The following SLC4A7 variants were observed in gnomAD, a reference collection of about 807,000 sequenced individuals.
SLC4A7 encodes sodium bicarbonate cotransporter 3.
A neutral mutation model predicts 137.6 loss-of-function variants in SLC4A7; 51 were observed. That is an observed-to-expected ratio of 0.37 (90% confidence interval 0.30 to 0.47). The LOEUF (loss-of-function observed/expected upper bound fraction) is 0.47, where lower values mean the gene tolerates loss of function less well. SLC4A7 is among the 20% of genes least tolerant of loss of function. SLC4A7 has a pLI of 1.00. For synonymous variants in SLC4A7, 542 were observed against 518.6 expected (o/e 1.05, Z -0.61); for missense variants, 1,247 against 1,525.4 (o/e 0.82, Z 3.04).
chr3:27,465,960 AAAAAAAG>A (rs893061202), intron 1 of SLC4A7, among the ~76,000 whole-genome samples: 9 of 136,614 alleles, frequency 6.6e-5, no homozygotes, highest in Middle Eastern at 3.8e-3. Context: ...TCTCAAAAAA[AAAAAAAG>A]AAAGAAAGAA....
chr3:27,406,739 G>A (rs1013399591), intron 13 of SLC4A7, among the ~76,000 whole-genome samples: 7 of 152,048 alleles, frequency 4.6e-5, no homozygotes, highest in Non-Finnish European at 1.0e-4. Context: ...AGAACAACCT[G>A]GGCAACATGG....
At position 27,471,101 on chromosome 3, in the gene SLC4A7, A is replaced by G. The variant is rs561105327; in HGVS notation, c.60+12966T>C. On this transcript the variant is annotated intron_variant, in intron 1 of 25. Transcript: ENST00000454389. ...TTACATGTCATGTATGTATGCATGT[A>G]TAAAATAAAAAGTTTCACAAAACAA... 6.1e-3 allele frequency among the ~76,000 whole-genome samples: 937 copies of G among 152,366 alleles called. 5 individuals are homozygous for G. The highest frequency in any genetic ancestry group is 0.037 in the Middle Eastern group (11 of 294).
intron 7 of SLC4A7, among the ~76,000 whole-genome samples, chr3:27,426,222 T>C (rs1399229404): frequency 6.6e-6 from 1 of 152,236 alleles, no homozygotes; most frequent in Non-Finnish European, 1.5e-5. Context: ...TTTAGCCATG[T>C]GCTCACTTTC....
intron 1 of SLC4A7, among the ~76,000 whole-genome samples, chr3:27,469,609 C>T (rs1356825077): frequency 1.3e-5 from 2 of 152,022 alleles, no homozygotes; most frequent in African/African-American, 4.8e-5. Context: ...TACAATTAGC[C>T]GGGCGTGGTG....
chr3:27,415,987 G>T (rs1461213557), intron 11 of SLC4A7, among the ~76,000 whole-genome samples: 1 of 152,098 alleles, frequency 6.6e-6, no homozygotes, highest in Non-Finnish European at 1.5e-5. Context: ...TTCATTCTAT[G>T]GTACATACCA....
At chr3:27,448,136 C>G (rs2057799874) in intron 3 of SLC4A7, among the ~76,000 whole-genome samples, 1 of 149,618 alleles carries the variant, frequency 6.7e-6, no homozygotes, top group Non-Finnish European at 1.5e-5. Context: ...CGCTTGAACC[C>G]TGGAGGCAGA....
chr3:27,400,560 G>A (rs1010160745), intron 16 of SLC4A7, among the ~76,000 whole-genome samples: 4 of 152,030 alleles, frequency 2.6e-5, no homozygotes, highest in Admixed American at 6.6e-5. Context: ...TTTATCTCTC[G>A]TGCCAGTTTC....
rs763407279 is a variant in SLC4A7, at chr3:27,394,591, C to T, written c.3044G>A (p.Arg1015His). 28 of 1,613,988 alleles carry T rather than the reference C, an allele frequency of 1.7e-5. No homozygotes were observed. The highest frequency in any genetic ancestry group is 9.9e-5 in the South Asian group (9 of 91,090). The change falls in exon 20 of 26, where the codon CGT becomes CAT. Residue 1015 changes from arginine (R) to histidine (H), a missense_variant. Transcript: ENST00000454389. ...PGEQPKFLGIREQRVTGLMIF... is the reference protein window; with the variant it reads ...PGEQPKFLGIHEQRVTGLMIF... Reference sequence around the variant, plus strand: ...CATTAGCCCTGTAACCCGCTGTTCACGAATTCCCAAAAACTTGGGTTGTTC... The same window carrying T: ...CATTAGCCCTGTAACCCGCTGTTCATGAATTCCCAAAAACTTGGGTTGTTC...
rs1327976565 is a variant in SLC4A7, at chr3:27,374,051, A to G, written c.*2713T>C. The G allele has an allele frequency of 1.3e-5, 2 of 152,578 alleles. No individual in the cohort carries two copies. Among genetic ancestry groups the G allele is most frequent in the African/African-American group, 4.8e-5 (2 of 41,466 alleles). 9.5% of individuals were successfully genotyped at this position (152,578 alleles called of 1,614,324 possible). ...GAATATATAGAATCATCCTTTTATC[A>G]TAAGGAATTTACATCATTGTTTTCT... On this transcript the variant is annotated 3_prime_UTR_variant, in exon 26 of 26. Transcript: ENST00000454389.
At chr3:27,439,431 C>G (rs980904252) in intron 3 of SLC4A7, among the ~76,000 whole-genome samples, 3 of 152,148 alleles carry the variant, frequency 2.0e-5, no homozygotes, top group Admixed American at 1.3e-4. Context: ...GATTGAACTT[C>G]CTACTGTATT....
intron 1 of SLC4A7, among the ~76,000 whole-genome samples, chr3:27,478,044 C>A: frequency 6.6e-6 from 1 of 152,152 alleles, no homozygotes; most frequent in South Asian, 2.1e-4. Flanking sequence ...ATACACAATT[C>A]GACAGCTTTT....
At position 27,386,042 on chromosome 3, in the gene SLC4A7, G is replaced by A. The variant is rs2050909102; in HGVS notation, c.3361-19C>T. 2 of 1,575,806 alleles carry A rather than the reference G, an allele frequency of 1.3e-6. No individual in the cohort carries two copies. The highest frequency in any genetic ancestry group is 1.4e-5 in the African/African-American group (1 of 72,880). The stretch of plus-strand genomic sequence containing the variant: ...CAAGAACCTTTAAAAAGTGGGGAAG[G>A]AAATATTAAGTAACACATAATACAA... On this transcript the variant is annotated intron_variant, in intron 22 of 25. Coordinates refer to ENST00000454389, the MANE Select transcript of SLC4A7 (RefSeq NM_001321103.2).
chr3:27,482,758 C>A (rs984651815), intron 1 of SLC4A7, among the ~76,000 whole-genome samples: 25 of 151,662 alleles, frequency 1.6e-4, no homozygotes, highest in African/African-American at 6.0e-4. Flanking sequence ...GGCGACAGAG[C>A]GAGACTCTGT....
chr3:27,403,169 TGC>T lies in SLC4A7; in HGVS notation c.2289_2290del (p.Met763IlefsTer6), dbSNP rs1287635807. On this transcript the variant is annotated frameshift_variant, in exon 15 of 26. Transcript: ENST00000454389. LOFTEE classifies it high-confidence loss of function. ...GCTGGTCAGTTTATCTAAGTTGTTG[TGC>T]ATATTAAATGCATATGTTTCTCCTA... 6.2e-7 allele frequency: 1 copy of T among 1,612,610 alleles called. No individual in the cohort carries two copies. The highest frequency in any genetic ancestry group is 8.5e-7 in the Non-Finnish European group (1 of 1,179,628).
intron 3 of SLC4A7, among the ~76,000 whole-genome samples, chr3:27,440,060 C>A (rs2057066293): frequency 6.6e-6 from 1 of 152,168 alleles, no homozygotes. Context: ...TTAAACCAAC[C>A]TTATGTTCCT....
chr3:27,461,659 G>A (rs913685804), intron 1 of SLC4A7, among the ~76,000 whole-genome samples: 1 of 151,182 alleles, frequency 6.6e-6, no homozygotes, highest in South Asian at 2.1e-4. Flanking sequence ...TATAAAAATG[G>A]ATTAGGAATA....
chr3:27,373,262 T>A lies in SLC4A7; in HGVS notation c.*3502A>T, dbSNP rs943235972. On this transcript the variant is annotated 3_prime_UTR_variant, in exon 26 of 26. Transcript: ENST00000454389. ...GATTACATTTCCAACTATGTTTTCC[T>A]ATAATTGACATTTAATGTTAGTTTT... is the stretch of plus-strand genomic sequence containing the variant. 3 of 152,118 alleles carry A rather than the reference T, an allele frequency of 2.0e-5. No individual in the cohort carries two copies. The highest frequency in any genetic ancestry group is 6.5e-5 in the Admixed American group (1 of 15,276). The allele number at this position is 152,118 out of a possible 1,614,324, so 9.4% of individuals were successfully genotyped here.
At chr3:27,474,194 T>C (rs1275937955) in intron 1 of SLC4A7, among the ~76,000 whole-genome samples, 2 of 152,086 alleles carry the variant, frequency 1.3e-5, no homozygotes, top group Non-Finnish European at 2.9e-5. Flanking sequence ...GAAAGCAGTC[T>C]TAGGAGGTAA....
intron 25 of SLC4A7, among the ~76,000 whole-genome samples, chr3:27,377,429 G>T (rs571376711): frequency 1.3e-5 from 2 of 152,128 alleles, no homozygotes; most frequent in East Asian, 3.9e-4. Flanking sequence ...TTTTGCTCTT[G>T]TTGCCCAGGC....
Sources: gnomAD v4.1 joint callset for allele counts (sites outside exome capture counted in the v4.1 genomes callset) on GRCh38, gnomAD v4.1.1 for gene constraint, MANE v1.5 for transcripts, NCBI Gene and HGNC (gene_info 2026-07-23, HGNC 2026-07-21) for gene names.